The following ICE1 variants were observed in gnomAD, a reference collection of about 807,000 sequenced individuals.
The protein encoded by ICE1 is little elongation complex subunit 1.
A neutral mutation model predicts 192.7 loss-of-function variants in ICE1; 64 were observed. That is an observed-to-expected ratio of 0.33 (90% CI 0.27 to 0.41). The LOEUF is 0.41. Among genes scored for constraint, ICE1 ranks in the 10% least tolerant of loss-of-function variants. The pLI is 1.00. For synonymous variants in ICE1, 1,010 were observed against 984.5 expected (o/e 1.03, Z -0.49); for missense variants, 2,708 against 2,696.0 (o/e 1.00, Z -0.10).
Position 5,460,834 on chromosome 5 carries a change from C to G in ICE1, c.1500C>G (p.Thr500=). 1.9e-6 allele frequency: 3 copies of G among 1,613,980 alleles called. No homozygotes were observed. The highest frequency in any genetic ancestry group is 2.2e-5 in the South Asian group (2 of 91,090). ...EMDKSVQTEK[T]IHKLTRGLCI... ...ATAAGTCAGTACAAACTGAGAAGAC[C>G]ATTCATAAACTCACTCGAGGTCTAT... The change falls in exon 13 of 19, where the codon ACC becomes ACG. Residue 500 remains threonine (T), a synonymous_variant. Coordinates refer to ENST00000296564, the MANE Select transcript of ICE1 (RefSeq NM_015325.3).
chr5:5,468,937 T>C lies in ICE1; in HGVS notation c.6171T>C (p.Arg2057=). ...NKAMQLVARQ[R]AKGEVLNCLR... Reference sequence around the variant, plus strand: ...CAATGCAGTTAGTTGCCAGGCAACGTGCTAAAGGAGAGGTTCTGAACTGCT... The same window carrying C: ...CAATGCAGTTAGTTGCCAGGCAACGCGCTAAAGGAGAGGTTCTGAACTGCT... Residue 2057 remains arginine, a synonymous_variant, in exon 15 of 19, where the codon CGT becomes CGC. Coordinates refer to ENST00000296564, the MANE Select transcript of ICE1 (RefSeq NM_015325.3). 1.9e-6 allele frequency: 3 copies of C among 1,606,524 alleles called. No individual in the cohort carries two copies. Among genetic ancestry groups the C allele is most frequent in the Non-Finnish European group, 1.7e-6 (2 of 1,177,058 alleles).
Position 5,462,101 on chromosome 5 carries a change from A to G in ICE1, c.2767A>G (p.Ser923Gly). The change falls in exon 13 of 19, where the codon AGC (serine) becomes GGC (glycine). Residue 923 changes from serine to glycine, a missense_variant. By Grantham distance (56) the Ser-to-Gly change is moderately conservative. Coordinates refer to ENST00000296564, the MANE Select transcript of ICE1 (RefSeq NM_015325.3). ...QNITEVAAVKSISPEVSASRR... is the reference protein window; with the variant it reads ...QNITEVAAVKGISPEVSASRR... ...CATCACGGAGGTGGCTGCTGTGAAA[A>G]GCATTTCACCAGAAGTTTCTGCCTC... is the stretch of plus-strand genomic sequence containing the variant. 3 of 1,613,880 alleles carry G rather than the reference A, an allele frequency of 1.9e-6. No homozygotes were observed. Among genetic ancestry groups the G allele is most frequent in the Non-Finnish European group, 2.5e-6 (3 of 1,179,806 alleles).
intron 14 of ICE1, among the ~76,000 whole-genome samples, chr5:5,467,400 G>C (rs1414211280): frequency 2.6e-5 from 4 of 152,106 alleles, no homozygotes. Context: ...GACCACGATG[G>C]ATTTCTTCTT....
chr5:5,479,479 T>G (rs1175662725), intron 17 of ICE1, among the ~76,000 whole-genome samples: 1 of 152,204 alleles, frequency 6.6e-6, no homozygotes, highest in Non-Finnish European at 1.5e-5. Context: ...ATAGGAATGC[T>G]TCTACACTGC....
chr5:5,428,643 C>T (rs777499433), intron 1 of ICE1, among the ~76,000 whole-genome samples: 8 of 152,248 alleles, frequency 5.3e-5, no homozygotes, highest in Middle Eastern at 3.4e-3. Flanking sequence ...CAGATATGAA[C>T]GTTTTCCAAC....
At position 5,461,635 on chromosome 5, in the gene ICE1, T is replaced by G; in HGVS notation, c.2301T>G (p.Asp767Glu). Residue 767 changes from aspartate to glutamate, a missense_variant, in exon 13 of 19, where the codon GAT (aspartate) becomes GAG (glutamate). This residue lies in a region of ICE1 where 2,366 missense variants were observed against 2,276.6 expected (regional missense o/e 1.04). Transcript: ENST00000296564. ...PRIELTLNKP[D>E]FTSLIGSQAA... Reference sequence around the variant, plus strand: ...TTGAGCTCACACTAAATAAGCCAGATTTCACATCATTAATAGGTTCTCAGG... The same window carrying G: ...TTGAGCTCACACTAAATAAGCCAGAGTTCACATCATTAATAGGTTCTCAGG... 6.2e-7 allele frequency: 1 copy of G among 1,613,654 alleles called. No homozygotes were observed. The highest frequency in any genetic ancestry group is 8.5e-7 in the Non-Finnish European group (1 of 1,179,770).
chr5:5,463,225 G>A lies in ICE1; in HGVS notation c.3891G>A (p.Glu1297=). ...ATGTAAATAACAACATGACCACTGA[G>A]AATTTAAAAGAGAAAAGTCCATTTC... ...LLNVNNNMTT[E]NLKEKSPFRE... The change falls in exon 13 of 19, where the codon GAG becomes GAA. Residue 1297 remains glutamate (E), a synonymous_variant. Transcript: ENST00000296564. 6.2e-7 allele frequency: 1 copy of A among 1,611,656 alleles called. No individual in the cohort carries two copies.
Position 5,476,011 on chromosome 5 carries a change from A to G in ICE1, c.6452A>G (p.Tyr2151Cys). Residue 2151 changes from tyrosine (Y) to cysteine (C), a missense_variant, in exon 17 of 19, where the codon TAC (tyrosine) becomes TGC (cysteine). Physicochemically the swap from Tyr to Cys is radical, Grantham distance 194 (BLOSUM62 -2). Around this residue, in one of 2 missense-constraint regions of ICE1, gnomAD observed 342 missense variants for 419.3 expected, o/e 0.82. Transcript: ENST00000296564. The stretch of plus-strand genomic sequence containing the variant: ...CCTGTGATGGATAAATGGATAAAAT[A>G]CAGAAAAGGACATGCAAACATTGCG... ...LWPVMDKWIK[Y>C]RKGHANIAYT... 1 of 1,612,146 alleles carries G rather than the reference A, an allele frequency of 6.2e-7. No individual in the cohort carries two copies. The highest frequency in any genetic ancestry group is 8.5e-7 in the Non-Finnish European group (1 of 1,178,764).
At chr5:5,457,085 T>C (rs1738606135) in intron 11 of ICE1, among the ~76,000 whole-genome samples, 1 of 152,108 alleles carries the variant, frequency 6.6e-6, no homozygotes, top group Non-Finnish European at 1.5e-5. Flanking sequence ...GTGTCATCCA[T>C]CCACCCACCG....
At chr5:5,481,074 A>G (rs1739490851) in intron 17 of ICE1, among the ~76,000 whole-genome samples, 1 of 152,206 alleles carries the variant, frequency 6.6e-6, no homozygotes, top group Non-Finnish European at 1.5e-5. Flanking sequence ...TGACATCTAT[A>G]TATCTGGAAA....
chr5:5,440,714 T>C (rs1251618651), intron 4 of ICE1, among the ~76,000 whole-genome samples: 1 of 152,116 alleles, frequency 6.6e-6, no homozygotes, highest in Non-Finnish European at 1.5e-5. Flanking sequence ...ATAGTACTAC[T>C]TAATGGTAAA....
chr5:5,431,902 G>T (rs1431846935), intron 1 of ICE1, among the ~76,000 whole-genome samples: 1 of 151,804 alleles, frequency 6.6e-6, no homozygotes. Context: ...TGTTGGGTAT[G>T]TGGGGCCTCT....
At chr5:5,447,159 A>C (rs1262329415) in intron 7 of ICE1, among the ~76,000 whole-genome samples, 1 of 152,148 alleles carries the variant, frequency 6.6e-6, no homozygotes, top group Non-Finnish European at 1.5e-5. Flanking sequence ...TTCCTTAACT[A>C]GGGGTTGGGA....
chr5:5,445,503 C>T (rs1394637072), intron 7 of ICE1, among the ~76,000 whole-genome samples: 1 of 151,946 alleles, frequency 6.6e-6, no homozygotes, highest in Non-Finnish European at 1.5e-5. Flanking sequence ...GCGATCTCGG[C>T]TCACTGCAAC....
chr5:5,452,820 TTAAA>T (rs924687248), intron 10 of ICE1, among the ~76,000 whole-genome samples: 15 of 152,222 alleles, frequency 9.9e-5, no homozygotes, highest in South Asian at 2.1e-4. Context: ...AGAAAATAAA[TTAAA>T]TAAATAAATA....
In ICE1 at chr5:5,464,066, A is replaced by T. The variant is rs768237637; in HGVS notation, c.4732A>T (p.Thr1578Ser). 5 of 1,613,572 alleles carry T rather than the reference A, an allele frequency of 3.1e-6. No homozygotes were observed. The highest frequency in any genetic ancestry group is 2.5e-6 in the Non-Finnish European group (3 of 1,179,896). ...AACTTCAGCGTCGAGCAGAGTTGAA[A>T]CTCATCAGAGTGAAGTTGCTCAGTC... ...VKTSASSRVE[T>S]HQSEVAQSFS... is the part of the protein sequence containing the mutation. The change falls in exon 13 of 19, where the codon ACT (threonine) becomes TCT (serine). Residue 1578 changes from threonine to serine, a missense_variant. Physicochemically the swap from Thr to Ser is moderately conservative, Grantham distance 58. Transcript: ENST00000296564. The surrounding 1 kb of genome is among the most constrained non-coding windows in gnomAD (Gnocchi z 4.0).
At chr5:5,434,679 C>T (rs1017248161) in intron 1 of ICE1, among the ~76,000 whole-genome samples, 4 of 152,092 alleles carry the variant, frequency 2.6e-5, no homozygotes, top group African/African-American at 7.2e-5. Context: ...TAGAAAACAT[C>T]CTTCAGGAAT....
intron 7 of ICE1, among the ~76,000 whole-genome samples, chr5:5,446,555 G>A (rs770691291): frequency 3.9e-5 from 6 of 152,070 alleles, no homozygotes; most frequent in Non-Finnish European, 8.8e-5. Flanking sequence ...CAAAGTGCTG[G>A]GATCACAGTC....
chr5:5,466,254 T>G (rs1288360387), intron 13 of ICE1, 80 bp from the exon 14 acceptor site: 1 of 1,318,184 alleles, frequency 7.6e-7, no homozygotes, highest in Admixed American at 3.0e-5. Flanking sequence ...TACTTAAGTT[T>G]TGTAACTTTT....
Sources: gnomAD v4.1 joint callset for allele counts (sites outside exome capture counted in the v4.1 genomes callset) on GRCh38, gnomAD v4.1.1 for gene constraint, gnomAD v4.1.1 regional missense constraint, Gnocchi (gnomAD v3.1) non-coding constraint, MANE v1.5 for transcripts, NCBI Gene and HGNC (gene_info 2026-07-23, HGNC 2026-07-21) for gene names.